B3GLCT: variants seen among roughly 807,000 people sequenced by gnomAD.
B3GLCT encodes beta-1,3-glucosyltransferase.
B3GLCT carries 65 observed loss-of-function variants against 63.4 expected under a neutral mutation model. The observed-to-expected ratio is 1.03, with a 90% CI of 0.84 to 1.26. The LOEUF (loss-of-function observed/expected upper bound fraction) is 1.26. B3GLCT is among the 50% of genes most tolerant of loss of function. B3GLCT has a pLI of 0.00. For missense variants in B3GLCT, 577 were observed against 604.8 expected (o/e 0.95, Z 0.48); for synonymous variants, 233 against 219.2 (o/e 1.06, Z -0.55).
intron 3 of B3GLCT, among the ~76,000 whole-genome samples, chr13:31,227,323 T>C (rs1416283233): frequency 6.6e-6 from 1 of 151,698 alleles, no homozygotes; most frequent in East Asian, 1.9e-4. Context: ...ATCTTCTTTA[T>C]TAAATTAAAA....
chr13:31,200,816 G>T (rs1307829318), intron 1 of B3GLCT, among the ~76,000 whole-genome samples: 1 of 152,052 alleles, frequency 6.6e-6, no homozygotes, highest in Non-Finnish European at 1.5e-5. Flanking sequence ...GGCGCCCGCT[G>T]GGCCTCCGCG....
At chr13:31,283,753 T>C (rs1873183013) in intron 10 of B3GLCT, among the ~76,000 whole-genome samples, 2 of 152,138 alleles carry the variant, frequency 1.3e-5, no homozygotes, top group Middle Eastern at 3.2e-3. Flanking sequence ...TATATTTCTA[T>C]TAGAGTTGGG....
chr13:31,274,125 C>T (rs1872680109), intron 8 of B3GLCT, among the ~76,000 whole-genome samples: 1 of 152,160 alleles, frequency 6.6e-6, no homozygotes, highest in Non-Finnish European at 1.5e-5. Context: ...TTTTACCCAA[C>T]ATTTGTAGAT....
rs564308387 is a variant in B3GLCT at position 31,224,365 on chromosome 13, G to A, written c.160+1374G>A. 2.0e-5 allele frequency among the ~76,000 whole-genome samples: 3 copies of A among 152,248 alleles called. No individual in the cohort carries two copies. In the South Asian group the frequency reaches 6.2e-4, roughly 32 times the overall value. ...TTAATGATGCAAGTCTGGAACATGGGCTTGAAACTACAAAGGGGAAGTTAC... is the reference window on the plus strand; with the variant it reads ...TTAATGATGCAAGTCTGGAACATGGACTTGAAACTACAAAGGGGAAGTTAC... On this transcript the variant is annotated intron_variant, in intron 3 of 14. Coordinates refer to ENST00000343307, the MANE Select transcript of B3GLCT (RefSeq NM_194318.4).
At chr13:31,203,106 T>C (rs1868767390) in intron 1 of B3GLCT, among the ~76,000 whole-genome samples, 1 of 152,206 alleles carries the variant, frequency 6.6e-6, no homozygotes, top group Non-Finnish European at 1.5e-5. Context: ...TTGTATTTCT[T>C]AGCACCTGCC....
intron 12 of B3GLCT, among the ~76,000 whole-genome samples, chr13:31,288,318 C>T (rs1873451729): frequency 6.6e-6 from 1 of 152,158 alleles, no homozygotes; most frequent in African/African-American, 2.4e-5. Context: ...GGTTGCTCCA[C>T]CACCACTACT....
chr13:31,229,299 G>T lies in B3GLCT; in HGVS notation c.270+5G>T. 1 of 1,539,276 alleles carries T rather than the reference G, an allele frequency of 6.5e-7. No homozygotes were observed. The highest frequency in any genetic ancestry group is 9.0e-7 in the Non-Finnish European group (1 of 1,111,728). ...CAGGCTGCAGATCTTACACAGGTACGTAGCGATGGCTGGGGGGTCTGCCAG... is the reference window on the plus strand; with the variant it reads ...CAGGCTGCAGATCTTACACAGGTACTTAGCGATGGCTGGGGGGTCTGCCAG... On this transcript the variant is annotated splice_donor_5th_base_variant and intron_variant, in intron 4 of 14. Coordinates refer to ENST00000343307, the MANE Select transcript of B3GLCT (RefSeq NM_194318.4).
At chr13:31,292,182 C>T (rs4943301) in intron 12 of B3GLCT, among the ~76,000 whole-genome samples, 142,231 of 152,278 alleles carry the variant, frequency 0.93, 67,005 homozygotes, top group East Asian at 1. Flanking sequence ...TCATGGTAGA[C>T]AAGGTTTTTG....
At chr13:31,221,944 T>C (rs530032374) in intron 2 of B3GLCT, among the ~76,000 whole-genome samples, 7 of 152,230 alleles carry the variant, frequency 4.6e-5, no homozygotes, top group Non-Finnish European at 7.3e-5. Flanking sequence ...ACTTTGCACT[T>C]TGCCAGATAA....
At chr13:31,248,091 C>A (rs1484221266) in intron 6 of B3GLCT, 125 bp downstream of exon 6, 3 of 644,072 alleles carry the variant, frequency 4.7e-6, no homozygotes, top group Non-Finnish European at 8.3e-6. Flanking sequence ...AAGAATGAAA[C>A]ATTGTTGAAT....
At chr13:31,209,573 G>A (rs1245558195) in intron 1 of B3GLCT, among the ~76,000 whole-genome samples, 3 of 152,176 alleles carry the variant, frequency 2.0e-5, no homozygotes, top group African/African-American at 2.4e-5. Context: ...CTTCCAAGAC[G>A]GCTCTCTGTG....
rs1805981370 is a variant in B3GLCT at position 31,274,416 on chromosome 13, A to T, written c.661-93A>T. On this transcript the variant is annotated intron_variant, in intron 8 of 14. Transcript: ENST00000343307. ...TGGTTCAGCCTACTCTCTATGGAAGATGTGTTCTGCTTTCCCTTGAGATAT... is the reference window on the plus strand; with the variant it reads ...TGGTTCAGCCTACTCTCTATGGAAGTTGTGTTCTGCTTTCCCTTGAGATAT... 8 of 1,499,584 alleles carry T rather than the reference A, an allele frequency of 5.3e-6. No homozygotes were observed. In the African/African-American group the frequency reaches 8.2e-5, roughly 15 times the overall value. 92.9% of individuals were successfully genotyped at this position (1,499,584 alleles called of 1,614,324 possible).
At chr13:31,313,379 C>A (rs1465546986) in intron 12 of B3GLCT, among the ~76,000 whole-genome samples, 1 of 152,134 alleles carries the variant, frequency 6.6e-6, no homozygotes, top group Non-Finnish European at 1.5e-5. Context: ...TGTTAATAGT[C>A]ATGGACAATA....
chr13:31,254,484 A>G (rs193134158), intron 6 of B3GLCT, among the ~76,000 whole-genome samples: 1 of 152,318 alleles, frequency 6.6e-6, no homozygotes, highest in Non-Finnish European at 1.5e-5. Flanking sequence ...AAAAACTCTC[A>G]ATAAACTTGG....
At chr13:31,255,141 A>G (rs1349376698) in intron 6 of B3GLCT, among the ~76,000 whole-genome samples, 2 of 152,196 alleles carry the variant, frequency 1.3e-5, no homozygotes, top group Non-Finnish European at 2.9e-5. Context: ...AGAAATCACA[A>G]GCGTTCCTAT....
At chr13:31,251,523 A>G (rs1772734296) in intron 6 of B3GLCT, among the ~76,000 whole-genome samples, 1 of 152,222 alleles carries the variant, frequency 6.6e-6, no homozygotes, top group African/African-American at 2.4e-5. Flanking sequence ...AAGAACGTAA[A>G]TGACCTGATG....
At chr13:31,276,069 T>A (rs531923133) in intron 9 of B3GLCT, among the ~76,000 whole-genome samples, 53 of 152,218 alleles carry the variant, frequency 3.5e-4, no homozygotes, top group African/African-American at 1.2e-3. Context: ...TGTTGACAAA[T>A]CCCTCTTTGT....
At position 31,274,552 on chromosome 13, in the gene B3GLCT, C is replaced by T. The variant is rs150444977; in HGVS notation, c.704C>T (p.Thr235Ile). The T allele has an allele frequency of 3.0e-5, 49 of 1,614,040 alleles. No homozygotes were observed. The highest frequency in any genetic ancestry group is 4.1e-5 in the Non-Finnish European group (48 of 1,180,018). ...IWDKGGGPPL[T>I]PVPEFCTNDV... is the part of the protein sequence containing the mutation. The stretch of plus-strand genomic sequence containing the variant: ...GACAAAGGCGGAGGACCTCCCCTGA[C>T]CCCAGTGCCTGAGTTTTGTACCAAT... Residue 235 changes from threonine (T) to isoleucine (I), a missense_variant, in exon 9 of 15, where the codon ACC becomes ATC. Transcript: ENST00000343307.
chr13:31,312,709 T>A (rs1874781298), intron 12 of B3GLCT: 1 of 152,198 alleles, frequency 6.6e-6, no homozygotes. Flanking sequence ...AAATCTGAAC[T>A]CTCAAAAATG....
Sources: allele counts gnomAD v4.1 joint callset (sites outside exome capture counted in the v4.1 genomes callset), GRCh38; gene constraint gnomAD v4.1.1; transcripts MANE v1.5; gene names NCBI Gene and HGNC (gene_info 2026-07-23, HGNC 2026-07-21).